Variants in GPC3 observed in about 807,000 individuals in gnomAD.
The protein encoded by GPC3 is glypican 3.
A neutral mutation model predicts 34.4 loss-of-function variants in GPC3; 3 were observed. The observed-to-expected ratio is 0.09, with a 90% CI of 0.04 to 0.23. The LOEUF (loss-of-function observed/expected upper bound fraction) is 0.23. GPC3 is among the 10% of genes least tolerant of loss of function. GPC3 has a pLI of 1.00. For synonymous variants in GPC3, 177 were observed against 174.0 expected, an observed-to-expected ratio of 1.02 and a Z score of -0.13; for missense variants, 351 against 445.6, an observed-to-expected ratio of 0.79 and a Z score of 1.91.
intron 3 of GPC3, among the ~76,000 whole-genome samples, chrX:133,726,086 A>G (rs774729111): frequency 8.6e-4 from 96 of 112,135 alleles, no homozygotes; most frequent in Middle Eastern, 9.1e-3. Flanking sequence ...ATCGCAAAAG[A>G]TTGCTTTTCT....
intron 5 of GPC3, among the ~76,000 whole-genome samples, chrX:133,667,814 A>C (rs1333029211): frequency 9.2e-6 from 1 of 108,166 alleles, no homozygotes; most frequent in Non-Finnish European, 1.9e-5. Flanking sequence ...CCGAGATCAC[A>C]CCACTGCACT....
intron 7 of GPC3, among the ~76,000 whole-genome samples, chrX:133,582,749 A>G (rs933286743): frequency 8.9e-6 from 1 of 111,863 alleles, no homozygotes; most frequent in African/African-American, 3.3e-5. Flanking sequence ...GTCCTTCATC[A>G]TAGATAACTT....
In GPC3 at chrX:133,635,964, A is replaced by C. The variant is rs1051499147; in HGVS notation, c.1413+25766T>G. 6.3e-5 allele frequency among the ~76,000 whole-genome samples: 7 copies of C among 111,421 alleles called. No individual in the cohort carries two copies. In the East Asian group the frequency reaches 2.0e-3, roughly 31 times the overall value. On this transcript the variant is annotated intron_variant, in intron 6 of 7. Coordinates refer to ENST00000370818, the MANE Select transcript of GPC3 (RefSeq NM_004484.4). ...CACTCACTTAAATTACTTTTAAAAA[A>C]CATTCTGTTTTCATTTCCCTATCTC...
intron 2 of GPC3, among the ~76,000 whole-genome samples, chrX:133,903,423 T>TA (rs891731440): frequency 1.0e-4 from 11 of 109,585 alleles, no homozygotes; most frequent in African/African-American, 1.0e-4. Flanking sequence ...CCGTCTCTAC[T>TA]AAAAAAAATG....
At chrX:133,787,808 T>C (rs2072117730) in intron 2 of GPC3, among the ~76,000 whole-genome samples, 1 of 110,227 alleles carries the variant, frequency 9.1e-6, no homozygotes, top group African/African-American at 3.3e-5. Context: ...ACCTACATGA[T>C]CTGCTTTTCT....
At chrX:133,962,133 G>A (rs1281524005) in intron 1 of GPC3, among the ~76,000 whole-genome samples, 1 of 111,862 alleles carries the variant, frequency 8.9e-6, no homozygotes, top group Admixed American at 9.5e-5. Flanking sequence ...GCTATAAGAT[G>A]ACTACTCGTT....
At chrX:133,910,577 T>G (rs143526955) in intron 2 of GPC3, among the ~76,000 whole-genome samples, 1,289 of 111,915 alleles carry the variant, frequency 0.012, 24 homozygotes, top group African/African-American at 0.039. Context: ...TCAAACTACC[T>G]TGTACTGTTA....
intron 1 of GPC3, among the ~76,000 whole-genome samples, chrX:133,985,006 G>T (rs2076559993): frequency 8.9e-6 from 1 of 111,842 alleles, no homozygotes; most frequent in Admixed American, 9.4e-5. Context: ...AAAAACGGGC[G>T]CTCACGAGAA....
intron 1 of GPC3, among the ~76,000 whole-genome samples, chrX:133,979,507 A>T (rs1378677916): frequency 8.9e-6 from 1 of 111,965 alleles, no homozygotes; most frequent in East Asian, 2.8e-4. Context: ...TACAGAACTA[A>T]ATCTTCTTTA....
intron 2 of GPC3, among the ~76,000 whole-genome samples, chrX:133,871,188 C>G (rs1603263761): frequency 9.0e-6 from 1 of 111,717 alleles, no homozygotes; most frequent in Non-Finnish European, 1.9e-5. Flanking sequence ...TTCATTTTGC[C>G]TCTTGTAGTG....
intron 2 of GPC3, among the ~76,000 whole-genome samples, chrX:133,794,148 C>A (rs767531363): frequency 8.9e-6 from 1 of 112,113 alleles, no homozygotes; most frequent in South Asian, 3.7e-4. Context: ...AAGGCTGATC[C>A]CATATAGTGT....
At chrX:133,595,605 A>G (rs1383612261) in intron 7 of GPC3, among the ~76,000 whole-genome samples, 4 of 110,911 alleles carry the variant, frequency 3.6e-5, no homozygotes, top group African/African-American at 1.3e-4. Flanking sequence ...ATCTCAGCTC[A>G]CTACAACCAC....
intron 2 of GPC3, among the ~76,000 whole-genome samples, chrX:133,838,751 G>A (rs2075810357): frequency 8.9e-6 from 1 of 111,890 alleles, no homozygotes; most frequent in African/African-American, 3.2e-5. Context: ...AGTTAAAGCA[G>A]TGCTAAAGGC....
At chrX:133,815,468 G>C (rs2075686385) in intron 2 of GPC3, among the ~76,000 whole-genome samples, 1 of 108,633 alleles carries the variant, frequency 9.2e-6, no homozygotes, top group Non-Finnish European at 1.9e-5. Context: ...GAAGGAGTCA[G>C]GTTTGTTTTT....
chrX:133,951,047 A>AGTGTGTGTGTGTGTGT (rs373690687), intron 2 of GPC3, among the ~76,000 whole-genome samples: 35 of 76,702 alleles, frequency 4.6e-4, no homozygotes, highest in South Asian at 9.7e-4. Flanking sequence ...AATTCAAGAA[A>AGTGTGTGTGTGTGTGT]GTGTGTGTGT....
At chrX:133,839,329 AG>A (rs2075813484) in intron 2 of GPC3, among the ~76,000 whole-genome samples, 1 of 111,789 alleles carries the variant, frequency 8.9e-6, no homozygotes, top group East Asian at 2.8e-4. Context: ...GACTTTTATC[AG>A]GGGGGTCTGG....
chrX:133,935,880 A>G (rs2076321242), intron 2 of GPC3, among the ~76,000 whole-genome samples: 3 of 110,839 alleles, frequency 2.7e-5, no homozygotes, highest in African/African-American at 9.9e-5. Flanking sequence ...CCTCATGCTT[A>G]TATGACAACT....
intron 2 of GPC3, among the ~76,000 whole-genome samples, chrX:133,918,426 G>A (rs937310790): frequency 8.9e-6 from 1 of 112,310 alleles, no homozygotes; most frequent in Non-Finnish European, 1.9e-5. Flanking sequence ...TCACTTGGCT[G>A]AAATGCATCA....
At chrX:133,918,376 T>C (rs1277518547) in intron 2 of GPC3, among the ~76,000 whole-genome samples, 2 of 112,478 alleles carry the variant, frequency 1.8e-5, no homozygotes, top group Non-Finnish European at 3.8e-5. Flanking sequence ...ACTGAAACCA[T>C]AGTATACTGA....
Sources: gnomAD v4.1 joint callset for allele counts (sites outside exome capture counted in the v4.1 genomes callset) on GRCh38, gnomAD v4.1.1 for gene constraint, MANE v1.5 for transcripts, NCBI Gene and HGNC (gene_info 2026-07-23, HGNC 2026-07-21) for gene names.